ERC2: variants seen among roughly 807,000 people sequenced by gnomAD.
ERC2 encodes the protein ELKS/RAB6-interacting/CAST family member 2, also known as ERC protein 2.
In ERC2, 42 loss-of-function variants were observed where a neutral mutation model predicts 114.8. That is an observed-to-expected ratio of 0.37 (90% CI 0.29 to 0.47). The LOEUF (loss-of-function observed/expected upper bound fraction) is 0.47. ERC2 is among the 20% of genes least tolerant of loss of function. The pLI is 0.99. For synonymous variants in ERC2, 454 were observed against 425.5 expected, an observed-to-expected ratio of 1.07 and a Z score of -0.82; for missense variants, 939 against 1,150.7, an observed-to-expected ratio of 0.82 and a Z score of 2.66.
chr3:56,299,117 TTGTTTTTTTTTTTG>T lies in ERC2; in HGVS notation c.658-2696_658-2683del, dbSNP rs1234919565. ...GATAGTTTTTTTTTGTTTTTTTTTT[TTGTTTTTTTTTTTG>T]TTTGTTTGTTTTTTGAGACAGAGTC... On this transcript the variant is annotated intron_variant, in intron 2 of 17. Transcript: ENST00000288221. Among the ~76,000 whole-genome samples the T allele has an allele frequency of 5.1e-3, 682 of 132,728 alleles. 1 individual carries two copies. Among genetic ancestry groups the T allele is most frequent in the Non-Finnish European group, 8.0e-3 (501 of 62,888 alleles). The allele number at this position is 132,728 out of a possible 152,430, so 87.1% of individuals were successfully genotyped here. A position where few individuals can be genotyped will look rare whatever the true frequency, so the allele number is the denominator to read the frequency against.
At chr3:55,686,547 C>G (rs991873899) in intron 16 of ERC2, among the ~76,000 whole-genome samples, 2 of 152,214 alleles carry the variant, frequency 1.3e-5, no homozygotes, top group South Asian at 4.1e-4. Flanking sequence ...AGCTGTTTCA[C>G]TGCTGCGCTG....
At chr3:56,230,065 C>T (rs1341794251) in intron 3 of ERC2, among the ~76,000 whole-genome samples, 1 of 151,724 alleles carries the variant, frequency 6.6e-6, no homozygotes, top group East Asian at 1.9e-4. Context: ...AGGGTTTCAC[C>T]ATATTGGCCA....
rs190597411 is a variant in ERC2, at chr3:55,870,370, C to T, written c.2564+18019G>A. 2.9e-3 allele frequency among the ~76,000 whole-genome samples: 446 copies of T among 152,296 alleles called. 2 individuals are homozygous for T. The highest frequency in any genetic ancestry group is 9.0e-3 in the African/African-American group (375 of 41,566). ...GATTACAGGCATGAGCCACCATACC[C>T]GGCAGGGTAGACTTTTCAAGAGACA... On this transcript the variant is annotated intron_variant, in intron 14 of 17. Transcript: ENST00000288221.
chr3:56,348,907 AGAAG>A lies in ERC2; in HGVS notation c.658-52476_658-52473del, dbSNP rs1358863890. Among the ~76,000 whole-genome samples, 103 of 34,872 alleles carry A rather than the reference AGAAG, an allele frequency of 3.0e-3. 1 individual carries two copies. The highest frequency in any genetic ancestry group is 5.0e-3 in the Non-Finnish European group (66 of 13,182). The allele number at this position is 34,872 out of a possible 152,430, so 22.9% of individuals were successfully genotyped here. A position where few individuals can be genotyped will look rare whatever the true frequency, so the allele number is the denominator to read the frequency against. ...AGGAAGGAAGGAAGGAAGGAAGGAAAGAAGGAAGGAAGGAAGGAAGGAAGGAAGG... is the reference window on the plus strand; with the variant it reads ...AGGAAGGAAGGAAGGAAGGAAGGAAAGAAGGAAGGAAGGAAGGAAGGAAGG... On this transcript the variant is annotated intron_variant, in intron 2 of 17. Transcript: ENST00000288221.
intron 14 of ERC2, among the ~76,000 whole-genome samples, chr3:55,772,567 C>T (rs771211912): frequency 6.6e-6 from 1 of 152,210 alleles, no homozygotes; most frequent in Non-Finnish European, 1.5e-5. Flanking sequence ...CCGCCTGCCT[C>T]GGCCTTCCAA....
At chr3:56,251,524 T>C (rs1223226075) in intron 3 of ERC2, among the ~76,000 whole-genome samples, 1 of 152,076 alleles carries the variant, frequency 6.6e-6, no homozygotes, top group Admixed American at 6.6e-5. Flanking sequence ...AAAAAATAAA[T>C]CTCATTCAAG....
intron 14 of ERC2, among the ~76,000 whole-genome samples, chr3:55,841,855 A>G (rs781653601): frequency 6.6e-6 from 1 of 152,166 alleles, no homozygotes; most frequent in African/African-American, 2.4e-5. Flanking sequence ...GATTTGTCCA[A>G]CTTCAGAGCC....
intron 2 of ERC2, among the ~76,000 whole-genome samples, chr3:56,325,025 T>A (rs1272067877): frequency 6.6e-6 from 1 of 152,048 alleles, no homozygotes; most frequent in Non-Finnish European, 1.5e-5. Flanking sequence ...CCCACATATG[T>A]CCTGCCATTC....
intron 7 of ERC2, among the ~76,000 whole-genome samples, chr3:56,028,213 G>C (rs561965540): frequency 5.3e-5 from 8 of 152,156 alleles, no homozygotes; most frequent in Non-Finnish European, 1.5e-5. Context: ...TATATAGTAA[G>C]GCTTAATATT....
intron 15 of ERC2, among the ~76,000 whole-genome samples, chr3:55,718,432 T>C (rs1364545672): frequency 6.6e-6 from 1 of 152,190 alleles, no homozygotes; most frequent in East Asian, 1.9e-4. Flanking sequence ...ACTCAAGCCA[T>C]TTAAAATATC....
intron 3 of ERC2, among the ~76,000 whole-genome samples, chr3:56,250,346 T>C (rs1332445456): frequency 1.3e-5 from 2 of 152,176 alleles, no homozygotes; most frequent in Non-Finnish European, 2.9e-5. Context: ...GTAGATCAGA[T>C]CATCACACTA....
chr3:56,366,566 T>G (rs994126603), intron 2 of ERC2, among the ~76,000 whole-genome samples: 1 of 152,120 alleles, frequency 6.6e-6, no homozygotes, highest in African/African-American at 2.4e-5. Context: ...GGGCATTGAG[T>G]TCTTTGGCTG....
rs535729198 is a variant in ERC2 at position 56,139,811 on chromosome 3, A to C, written c.1306-135T>G. ...ACAAGGCAGGCCACGAATTTGCTTA[A>C]AAAAGATGGCCTTGGGAATCACACA... On this transcript the variant is annotated intron_variant, in intron 5 of 17. Coordinates refer to ENST00000288221, the MANE Select transcript of ERC2 (RefSeq NM_015576.3). The C allele has an allele frequency of 7.3e-6, 7 of 960,292 alleles. No individual in the cohort carries two copies. In the Admixed American group the frequency reaches 1.8e-4, roughly 25 times the overall value. 59.5% of individuals were successfully genotyped at this position (960,292 alleles called of 1,614,324 possible).
intron 17 of ERC2, among the ~76,000 whole-genome samples, chr3:55,539,548 G>A (rs910218264): frequency 1.4e-4 from 20 of 147,172 alleles, no homozygotes; most frequent in Non-Finnish European, 2.7e-4. Flanking sequence ...TCAGCCTCCC[G>A]AGTAGTTGGG....
At chr3:56,132,791 A>G (rs1322893364) in intron 6 of ERC2, among the ~76,000 whole-genome samples, 1 of 152,256 alleles carries the variant, frequency 6.6e-6, no homozygotes, top group East Asian at 1.9e-4. Flanking sequence ...GTGCATGCAT[A>G]TATGAATATA....
In ERC2 at chr3:55,875,438, G is replaced by A. The variant is rs112290515; in HGVS notation, c.2564+12951C>T. On this transcript the variant is annotated intron_variant, in intron 14 of 17. Transcript: ENST00000288221. Reference sequence around the variant, plus strand: ...GTTGGCCTCAGCTTCCTGCAGGTTCGAATTAAGATCCCAGGGAACTGGCTT... The same window carrying A: ...GTTGGCCTCAGCTTCCTGCAGGTTCAAATTAAGATCCCAGGGAACTGGCTT... Among the ~76,000 whole-genome samples the A allele has an allele frequency of 7.3e-3, 1,113 of 152,244 alleles. 9 individuals carry two copies. The highest frequency in any genetic ancestry group is 0.025 in the African/African-American group (1,050 of 41,528).
At chr3:55,761,578 T>G (rs1197610684) in intron 14 of ERC2, among the ~76,000 whole-genome samples, 1 of 152,160 alleles carries the variant, frequency 6.6e-6, no homozygotes, top group African/African-American at 2.4e-5. Flanking sequence ...TGAAACTTTA[T>G]TTACAAAAAC....
intron 6 of ERC2, among the ~76,000 whole-genome samples, chr3:56,119,762 T>TTAG (rs1190881880): frequency 6.6e-6 from 1 of 152,136 alleles, no homozygotes; most frequent in African/African-American, 2.4e-5. Context: ...AGATGAATCA[T>TTAG]TAGTAGTCAC....
chr3:56,202,205 A>G (rs1359261359), intron 3 of ERC2, among the ~76,000 whole-genome samples: 1 of 152,172 alleles, frequency 6.6e-6, no homozygotes, highest in Non-Finnish European at 1.5e-5. Context: ...TGGGTTTTGA[A>G]AGCCTCAAAT....
Sources: gnomAD v4.1 joint callset for allele counts (sites outside exome capture counted in the v4.1 genomes callset) on GRCh38, gnomAD v4.1.1 for gene constraint, MANE v1.5 for transcripts, NCBI Gene and HGNC (gene_info 2026-07-23, HGNC 2026-07-21) for gene names.